The following NRG3 variants were observed in gnomAD, a reference collection of about 807,000 sequenced individuals.
NRG3 encodes the protein neuregulin 3, also known as pro-neuregulin-3, membrane-bound isoform.
In NRG3, 31 loss-of-function variants were observed where a neutral mutation model predicts 66.9. The ratio of observed to expected loss-of-function variants is 0.46; its 90% confidence interval spans 0.35 to 0.63. The LOEUF (loss-of-function observed/expected upper bound fraction) is 0.63, where lower values mean the gene tolerates loss of function less well. Among genes scored for constraint, NRG3 ranks in the 20% least tolerant of loss-of-function variants. NRG3 has a pLI of 0.00. For missense variants in NRG3, 910 were observed against 878.9 expected, an observed-to-expected ratio of 1.04 and a Z score of -0.45; for synonymous variants, 393 against 359.4, an observed-to-expected ratio of 1.09 and a Z score of -1.06.
At chr10:82,783,144 C>G (rs2060190973) in intron 3 of NRG3, among the ~76,000 whole-genome samples, 1 of 152,080 alleles carries the variant, frequency 6.6e-6, no homozygotes. Flanking sequence ...AGGCCTTTGA[C>G]AAAATTCAAC....
At chr10:82,401,853 C>T (rs578089183) in intron 2 of NRG3, among the ~76,000 whole-genome samples, 95 of 151,936 alleles carry the variant, frequency 6.3e-4, no homozygotes, top group African/African-American at 2.1e-3. Context: ...AATCAGATAT[C>T]GTAATTAATT....
intron 1 of NRG3, among the ~76,000 whole-genome samples, chr10:81,937,586 A>AC (rs1554860581): frequency 6.6e-6 from 1 of 151,990 alleles, no homozygotes; most frequent in Non-Finnish European, 1.5e-5. Context: ...TTGTTTGCAC[A>AC]TTTTTTATGG....
At chr10:81,935,876 AACACACACACACACACACACACACACAC>A (rs55670416) in intron 1 of NRG3, among the ~76,000 whole-genome samples, 3 of 132,438 alleles carry the variant, frequency 2.3e-5, no homozygotes, top group Non-Finnish European at 4.9e-5. Context: ...TCAGTGCCTG[AACACACACACACACACACACACACACAC>A]ACACACACAC....
At chr10:82,206,047 C>T (rs1399104610) in intron 1 of NRG3, among the ~76,000 whole-genome samples, 1 of 152,186 alleles carries the variant, frequency 6.6e-6, no homozygotes, top group African/African-American at 2.4e-5. Flanking sequence ...CTCTACTTTT[C>T]TTCCTTCTAC....
At chr10:82,978,917 G>A in intron 7 of NRG3, 33 bp from the exon 8 acceptor site, 2 of 1,604,884 alleles carry the variant, frequency 1.2e-6, no homozygotes, top group Non-Finnish European at 1.7e-6. Context: ...TCTTTTGTTT[G>A]TTTGTTTGTC....
chr10:82,609,495 T>C (rs946428769), intron 2 of NRG3, among the ~76,000 whole-genome samples: 5 of 152,060 alleles, frequency 3.3e-5, no homozygotes, highest in Non-Finnish European at 7.4e-5. Flanking sequence ...TGTCATTTTC[T>C]GTATCAGAGT....
chr10:81,899,149 G>A (rs1049943487), intron 1 of NRG3, among the ~76,000 whole-genome samples: 3 of 152,118 alleles, frequency 2.0e-5, no homozygotes, highest in Admixed American at 2.0e-4. Flanking sequence ...TTAAAACTCC[G>A]ATTCTCCAAA....
chr10:82,733,649 T>C (rs1228489722), intron 2 of NRG3, among the ~76,000 whole-genome samples: 6 of 152,284 alleles, frequency 3.9e-5, no homozygotes, highest in African/African-American at 1.4e-4. Flanking sequence ...GACCAGGAAA[T>C]CCACAGATGT....
intron 2 of NRG3, among the ~76,000 whole-genome samples, chr10:82,567,875 TG>T (rs1226521525): frequency 6.6e-6 from 1 of 151,930 alleles, no homozygotes; most frequent in African/African-American, 2.4e-5. Context: ...TCCACTTTTT[TG>T]TAGCACCTCT....
chr10:81,921,079 T>C (rs1045725761), intron 1 of NRG3, among the ~76,000 whole-genome samples: 3 of 152,080 alleles, frequency 2.0e-5, no homozygotes, highest in Admixed American at 6.6e-5. Flanking sequence ...AATATTGATA[T>C]TGATTTATGT....
chr10:82,790,631 A>C (rs938292770), intron 3 of NRG3, among the ~76,000 whole-genome samples: 2 of 151,832 alleles, frequency 1.3e-5, no homozygotes, highest in Non-Finnish European at 2.9e-5. Flanking sequence ...AATTTGGGGA[A>C]TTTTCAGCCA....
At chr10:82,440,380 C>G (rs1360402861) in intron 2 of NRG3, among the ~76,000 whole-genome samples, 1 of 113,444 alleles carries the variant, frequency 8.8e-6, no homozygotes, top group African/African-American at 3.9e-5. Flanking sequence ...TTTTTTTGAA[C>G]AGCCTTCTTT....
intron 3 of NRG3, among the ~76,000 whole-genome samples, chr10:82,749,566 T>C (rs955845954): frequency 7.9e-5 from 12 of 152,182 alleles, no homozygotes; most frequent in African/African-American, 2.9e-4. Flanking sequence ...CAAGTTTTTG[T>C]AGTGTATTTC....
chr10:82,161,932 A>C (rs917300982), intron 1 of NRG3, among the ~76,000 whole-genome samples: 14 of 152,138 alleles, frequency 9.2e-5, no homozygotes, highest in African/African-American at 3.1e-4. Context: ...TTATTGCATG[A>C]ATATATTCAG....
intron 1 of NRG3, among the ~76,000 whole-genome samples, chr10:82,087,160 A>G (rs2065773045): frequency 6.6e-6 from 1 of 152,166 alleles, no homozygotes; most frequent in Non-Finnish European, 1.5e-5. Context: ...AGGCAGAAGG[A>G]GGACAGGCTG....
chr10:81,987,533 A>G (rs993090529), intron 1 of NRG3, among the ~76,000 whole-genome samples: 4 of 152,226 alleles, frequency 2.6e-5, no homozygotes, highest in African/African-American at 9.6e-5. Flanking sequence ...ATGACAGTCA[A>G]GAGTGTGTAA....
rs181001272 is a variant in NRG3, at chr10:82,403,939, T to G, written c.953+45071T>G. Among the ~76,000 whole-genome samples the G allele has an allele frequency of 5.3e-5, 8 of 152,278 alleles. No homozygotes were observed. In the East Asian group the frequency reaches 1.5e-3, roughly 29 times the overall value. Reference sequence around the variant, plus strand: ...GGGGGGTTAAAAGTGAACTAATATATGAAAAACAATTTTGTATGCCCTGAA... The same window carrying G: ...GGGGGGTTAAAAGTGAACTAATATAGGAAAAACAATTTTGTATGCCCTGAA... On this transcript the variant is annotated intron_variant, in intron 2 of 8. Coordinates refer to ENST00000372141, the MANE Select transcript of NRG3 (RefSeq NM_001010848.4).
chr10:82,943,322 G>A (rs184693006), intron 4 of NRG3, among the ~76,000 whole-genome samples: 10 of 152,326 alleles, frequency 6.6e-5, no homozygotes, highest in Admixed American at 5.9e-4. Flanking sequence ...AGTCAGGCAT[G>A]CATAACCACG....
At chr10:82,818,053 G>A (rs1329998625) in intron 3 of NRG3, among the ~76,000 whole-genome samples, 4 of 152,254 alleles carry the variant, frequency 2.6e-5, no homozygotes, top group African/African-American at 7.2e-5. Context: ...TAGGCAGTGC[G>A]TGGAGAGTAG....
Sources: gnomAD v4.1 joint callset for allele counts (sites outside exome capture counted in the v4.1 genomes callset) on GRCh38, gnomAD v4.1.1 for gene constraint, MANE v1.5 for transcripts, NCBI Gene and HGNC (gene_info 2026-07-23, HGNC 2026-07-21) for gene names.